The following MYRIP variants were observed in gnomAD, a reference collection of about 807,000 sequenced individuals.
MYRIP encodes rab effector MyRIP.
In MYRIP, 49 loss-of-function variants were observed where a neutral mutation model predicts 98.0. The ratio of observed to expected loss-of-function variants is 0.50; its 90% CI spans 0.40 to 0.63. The LOEUF is 0.63. MYRIP is among the 30% of genes least tolerant of loss of function. The pLI, the probability that MYRIP is intolerant of heterozygous loss-of-function variation, is 0.00. For missense variants in MYRIP, 1,004 were observed against 1,058.2 expected, an observed-to-expected ratio of 0.95 and a Z score of 0.71; for synonymous variants, 404 against 409.5, an observed-to-expected ratio of 0.99 and a Z score of 0.16.
chr3:40,104,514 T>C (rs1241319475), intron 3 of MYRIP, among the ~76,000 whole-genome samples: 1 of 152,228 alleles, frequency 6.6e-6, no homozygotes, highest in Non-Finnish European at 1.5e-5. Flanking sequence ...TAATTATGTA[T>C]AGTCATATAC....
At chr3:39,953,826 TACTGC>T (rs1353841667) in intron 2 of MYRIP, among the ~76,000 whole-genome samples, 2 of 152,120 alleles carry the variant, frequency 1.3e-5, no homozygotes, top group Non-Finnish European at 2.9e-5. Flanking sequence ...CCCGCCCTAA[TACTGC>T]ACTTTTCCAA....
intron 2 of MYRIP, among the ~76,000 whole-genome samples, chr3:40,039,134 T>A (rs1264329580): frequency 6.6e-6 from 1 of 152,056 alleles, no homozygotes; most frequent in Non-Finnish European, 1.5e-5. Flanking sequence ...GTAATAAACG[T>A]CCATCACCCA....
chr3:40,108,667 C>A (rs2125899355), intron 3 of MYRIP, among the ~76,000 whole-genome samples: 1 of 152,248 alleles, frequency 6.6e-6, no homozygotes, highest in East Asian at 1.9e-4. Context: ...GAAGTAAGAC[C>A]AGCAAAGCAA....
chr3:39,831,723 A>G (rs1941453477), intron 1 of MYRIP, among the ~76,000 whole-genome samples: 2 of 152,204 alleles, frequency 1.3e-5, no homozygotes, highest in Admixed American at 1.3e-4. Context: ...CACATTTCTA[A>G]TAGCTGAATT....
At chr3:39,864,032 G>T (rs1235535192) in intron 1 of MYRIP, among the ~76,000 whole-genome samples, 2 of 152,050 alleles carry the variant, frequency 1.3e-5, no homozygotes, top group East Asian at 3.8e-4. Flanking sequence ...CACATAAACA[G>T]AACTAAAAAC....
At chr3:39,987,865 G>T (rs55881764) in intron 2 of MYRIP, among the ~76,000 whole-genome samples, 9,412 of 152,214 alleles carry the variant, frequency 0.062, 613 homozygotes, top group African/African-American at 0.16. Context: ...GCACACGTAT[G>T]TTTATTGTGG....
At chr3:40,081,207 C>G (rs1265141426) in intron 3 of MYRIP, among the ~76,000 whole-genome samples, 1 of 152,096 alleles carries the variant, frequency 6.6e-6, no homozygotes, top group Non-Finnish European at 1.5e-5. Flanking sequence ...AATATATATT[C>G]ATGAATTTTT....
chr3:40,223,064 A>C (rs1952382058), intron 11 of MYRIP, among the ~76,000 whole-genome samples: 1 of 152,230 alleles, frequency 6.6e-6, no homozygotes, highest in Non-Finnish European at 1.5e-5. Flanking sequence ...AAGAGCAAAA[A>C]ATGTGAAGTT....
At chr3:40,056,073 C>T (rs1353247842) in intron 3 of MYRIP, among the ~76,000 whole-genome samples, 1 of 152,162 alleles carries the variant, frequency 6.6e-6, no homozygotes, top group Admixed American at 6.5e-5. Context: ...AAAGCTTAGC[C>T]AGCACGTGTG....
chr3:40,094,461 T>C (rs1948786864), intron 3 of MYRIP, among the ~76,000 whole-genome samples: 1 of 152,220 alleles, frequency 6.6e-6, no homozygotes, highest in Non-Finnish European at 1.5e-5. Context: ...TCTGGAGTAA[T>C]GCTGTCCACC....
At chr3:39,854,744 C>T (rs954914929) in intron 1 of MYRIP, among the ~76,000 whole-genome samples, 1 of 152,172 alleles carries the variant, frequency 6.6e-6, no homozygotes, top group African/African-American at 2.4e-5. Context: ...AATTACTTTT[C>T]TGGTTCCTTC....
chr3:40,182,464 C>T, intron 9 of MYRIP, 91 bp downstream of exon 9: 3 of 1,435,740 alleles, frequency 2.1e-6, no homozygotes, highest in Non-Finnish European at 2.8e-6. Context: ...CTCTGCTCTT[C>T]TTCCCATAAG....
chr3:40,064,811 C>T (rs547347566), intron 3 of MYRIP, among the ~76,000 whole-genome samples: 2 of 152,280 alleles, frequency 1.3e-5, no homozygotes, highest in East Asian at 3.9e-4. Context: ...AATCCTCATC[C>T]TGGGACTTAA....
At chr3:40,158,302 G>A (rs1216273934) in intron 4 of MYRIP, among the ~76,000 whole-genome samples, 21 of 152,062 alleles carry the variant, frequency 1.4e-4, no homozygotes, top group African/African-American at 4.6e-4. Context: ...GTAGTTGAGC[G>A]GTTTTGAGTG....
intron 3 of MYRIP, among the ~76,000 whole-genome samples, chr3:40,130,525 C>G (rs971457306): frequency 2.6e-5 from 4 of 151,768 alleles, no homozygotes; most frequent in African/African-American, 9.7e-5. Context: ...CTACAGGCGC[C>G]CACCATCACG....
chr3:39,858,447 A>G (rs866695620), intron 1 of MYRIP, among the ~76,000 whole-genome samples: 8 of 152,184 alleles, frequency 5.3e-5, no homozygotes, highest in South Asian at 2.1e-4. Flanking sequence ...ACAGTAAAAG[A>G]TTTTAATATC....
chr3:40,236,832 T>G (rs1952838495), intron 12 of MYRIP, among the ~76,000 whole-genome samples: 1 of 151,496 alleles, frequency 6.6e-6, no homozygotes, highest in East Asian at 1.9e-4. Flanking sequence ...AATCAGGAAT[T>G]GTTATTGGAG....
chr3:39,877,725 G>A (rs1199729567), intron 1 of MYRIP, among the ~76,000 whole-genome samples: 19 of 152,004 alleles, frequency 1.2e-4, no homozygotes, highest in Non-Finnish European at 2.2e-4. Flanking sequence ...AGGAGTACCC[G>A]GCCATGTGAG....
chr3:40,137,307 A>G (rs976882550), intron 3 of MYRIP, among the ~76,000 whole-genome samples: 2 of 152,242 alleles, frequency 1.3e-5, no homozygotes, highest in African/African-American at 4.8e-5. Flanking sequence ...ATTCCTCGAC[A>G]CATACAGTCT....
Sources: allele counts gnomAD v4.1 joint callset (sites outside exome capture counted in the v4.1 genomes callset), GRCh38; gene constraint gnomAD v4.1.1; transcripts MANE v1.5; gene names NCBI Gene and HGNC (gene_info 2026-07-23, HGNC 2026-07-21).